MAGI3: variants seen among roughly 807,000 people sequenced by gnomAD.
MAGI3 encodes membrane-associated guanylate kinase, WW and PDZ domain-containing protein 3.
A neutral mutation model predicts 121.8 loss-of-function variants in MAGI3; 43 were observed. The ratio of observed to expected loss-of-function variants is 0.35; its 90% CI spans 0.28 to 0.46. MAGI3 has a LOEUF of 0.46. MAGI3 is among the 20% of genes least tolerant of loss of function. The probability of loss-of-function intolerance (pLI) is 1.00; values close to 1 mark genes in which losing one functional copy is unlikely to be tolerated. For synonymous variants in MAGI3, 553 were observed against 639.3 expected (o/e 0.86, Z 2.04); for missense variants, 1,547 against 1,797.3 (o/e 0.86, Z 2.52).
At chr1:113,453,382 TA>T (rs1654581915) in intron 1 of MAGI3, among the ~76,000 whole-genome samples, 1 of 152,218 alleles carries the variant, frequency 6.6e-6, no homozygotes, top group Non-Finnish European at 1.5e-5. Context: ...TTATATTTTT[TA>T]TAACAATTTT....
intron 1 of MAGI3, among the ~76,000 whole-genome samples, chr1:113,395,116 T>TTTTTTTTTTTTTTTTA (rs1651035975): frequency 1.1e-5 from 1 of 90,524 alleles, no homozygotes; most frequent in African/African-American, 4.5e-5. Context: ...TTTTTTTTTT[T>TTTTTTTTTTTTTTTTA]AGTGGGATAT....
At chr1:113,452,863 A>G (rs1379004766) in intron 1 of MAGI3, among the ~76,000 whole-genome samples, 4 of 152,174 alleles carry the variant, frequency 2.6e-5, no homozygotes, top group African/African-American at 9.6e-5. Context: ...TTACTCAAAG[A>G]AATAAAGAGG....
At chr1:113,442,525 TAG>T (rs1570682233) in intron 1 of MAGI3, among the ~76,000 whole-genome samples, 1 of 152,090 alleles carries the variant, frequency 6.6e-6, no homozygotes, top group East Asian at 1.9e-4. Flanking sequence ...GTTAACCCAT[TAG>T]AGTCTTCATT....
intron 1 of MAGI3, among the ~76,000 whole-genome samples, chr1:113,411,452 G>A (rs558732467): frequency 5.0e-4 from 76 of 151,842 alleles, no homozygotes; most frequent in African/African-American, 1.6e-3. Flanking sequence ...AATTTAGGCC[G>A]TTTTTATAAG....
Position 113,437,886 on chromosome 1 carries a change from C to CCTCTT in MAGI3, c.316+46539_316+46540insCTTCT, listed in dbSNP as rs1653695251. Among the ~76,000 whole-genome samples the CCTCTT allele has an allele frequency of 7.6e-3, 85 of 11,116 alleles. 2 individuals carry two copies. Among genetic ancestry groups the CCTCTT allele is most frequent in the East Asian group, 0.011 (2 of 180 alleles). 7.3% of individuals were successfully genotyped at this position (11,116 alleles called of 152,430 possible). The stretch of plus-strand genomic sequence containing the variant: ...TTCCTCTTCTTCTTCTTCTCCTTCT[C>CCTCTT]CTTCTCCTTCTCCTTCTCCTTCTCC... On this transcript the variant is annotated intron_variant, in intron 1 of 20. Transcript: ENST00000307546.
chr1:113,471,464 A>C (rs1251350632), intron 1 of MAGI3, among the ~76,000 whole-genome samples: 2 of 152,182 alleles, frequency 1.3e-5, no homozygotes. Context: ...GATGCAGCAG[A>C]AGCCTTTCTA....
At chr1:113,434,305 C>T (rs1014154118) in intron 1 of MAGI3, among the ~76,000 whole-genome samples, 2 of 152,144 alleles carry the variant, frequency 1.3e-5, no homozygotes, top group East Asian at 3.9e-4. Flanking sequence ...CAAGGTGGCT[C>T]ATGCCTGTAA....
At chr1:113,576,599 A>G (rs1433649046) in intron 2 of MAGI3, among the ~76,000 whole-genome samples, 2 of 152,194 alleles carry the variant, frequency 1.3e-5, no homozygotes, top group African/African-American at 4.8e-5. Flanking sequence ...AGCTTTTCCT[A>G]TTTGGGCATC....
chr1:113,444,021 C>T (rs981223653), intron 1 of MAGI3, among the ~76,000 whole-genome samples: 1 of 152,196 alleles, frequency 6.6e-6, no homozygotes, highest in African/African-American at 2.4e-5. Flanking sequence ...TCTGATATAA[C>T]TATTTTGGAT....
chr1:113,615,857 T>C (rs1371146642), intron 7 of MAGI3, among the ~76,000 whole-genome samples: 2 of 152,202 alleles, frequency 1.3e-5, no homozygotes, highest in African/African-American at 4.8e-5. Context: ...CTAAGACTTA[T>C]TTTGTTAAAG....
At chr1:113,416,365 TTATATTAA>T (rs1258872111) in intron 1 of MAGI3, among the ~76,000 whole-genome samples, 6 of 125,184 alleles carry the variant, frequency 4.8e-5, no homozygotes, top group Non-Finnish European at 8.1e-5. Flanking sequence ...TTAATTTATA[TTATATTAA>T]TATATTAATA....
chr1:113,417,052 TTTA>T (rs1397337890), intron 1 of MAGI3, among the ~76,000 whole-genome samples: 1 of 152,066 alleles, frequency 6.6e-6, no homozygotes, highest in Non-Finnish European at 1.5e-5. Context: ...TAAAATTTCA[TTTA>T]TTTTCTTTTT....
At position 113,494,194 on chromosome 1, in the gene MAGI3, C is replaced by T. The variant is rs188952893; in HGVS notation, c.317-55321C>T. Reference sequence around the variant, plus strand: ...CATTCTAAGCGGCCATCAAGAAGAACGATCATGTCCTTTGCAGGAACATGG... The same window carrying T: ...CATTCTAAGCGGCCATCAAGAAGAATGATCATGTCCTTTGCAGGAACATGG... On this transcript the variant is annotated intron_variant, in intron 1 of 20. Transcript: ENST00000307546. Among the ~76,000 whole-genome samples, 5 of 152,130 alleles carry T rather than the reference C, an allele frequency of 3.3e-5. No individual in the cohort carries two copies. The East Asian group carries it at 9.7e-4, about 29-fold the overall frequency.
At chr1:113,452,488 A>G (rs966720799) in intron 1 of MAGI3, among the ~76,000 whole-genome samples, 6 of 151,066 alleles carry the variant, frequency 4.0e-5, no homozygotes, top group Non-Finnish European at 5.9e-5. Context: ...ACACACACAC[A>G]CTGAAGCCTC....
At chr1:113,515,754 A>G (rs1018711833) in intron 1 of MAGI3, among the ~76,000 whole-genome samples, 4 of 152,112 alleles carry the variant, frequency 2.6e-5, no homozygotes, top group Non-Finnish European at 5.9e-5. Flanking sequence ...TTCTTGAGTG[A>G]GGGAATTATT....
intron 1 of MAGI3, among the ~76,000 whole-genome samples, chr1:113,516,817 T>C (rs1375240415): frequency 6.6e-6 from 1 of 152,016 alleles, no homozygotes; most frequent in Non-Finnish European, 1.5e-5. Context: ...GTATTTAAAG[T>C]TAACTTCAGC....
At chr1:113,589,564 A>T (rs1009899303) in intron 4 of MAGI3, among the ~76,000 whole-genome samples, 4 of 152,080 alleles carry the variant, frequency 2.6e-5, no homozygotes, top group Non-Finnish European at 4.4e-5. Flanking sequence ...CAATGGGGAA[A>T]TGGGTAGAGG....
chr1:113,633,114 T>C (rs1299536121), intron 9 of MAGI3, among the ~76,000 whole-genome samples: 2 of 142,190 alleles, frequency 1.4e-5, no homozygotes, highest in African/African-American at 2.6e-5. Flanking sequence ...CCATGTGTTC[T>C]CATTCTTCAC....
At position 113,390,916 on chromosome 1, in the gene MAGI3, G is replaced by A. The variant is rs1650749679; in HGVS notation, c.-118G>A. 13 of 714,220 alleles carry A rather than the reference G, an allele frequency of 1.8e-5. No individual in the cohort carries two copies. The highest frequency in any genetic ancestry group is 2.5e-5 in the Non-Finnish European group (13 of 527,674). The allele number at this position is 714,220 out of a possible 1,614,324, so 44.2% of individuals were successfully genotyped here. ...GTGGTCGCGGGGTGGGGGCCGGAGC[G>A]GCGAGGCCCCCCTTACCGGGCTGCG... On this transcript the variant is annotated 5_prime_UTR_variant, in exon 1 of 21. Transcript: ENST00000307546.
Sources: gnomAD v4.1 joint callset for allele counts (sites outside exome capture counted in the v4.1 genomes callset) on GRCh38, gnomAD v4.1.1 for gene constraint, MANE v1.5 for transcripts, NCBI Gene and HGNC (gene_info 2026-07-23, HGNC 2026-07-21) for gene names.